The following RYR2 variants were observed in gnomAD, a reference collection of about 807,000 sequenced individuals.
RYR2 encodes ryanodine receptor 2.
A neutral mutation model predicts 601.1 loss-of-function variants in RYR2; 227 were observed. The ratio of observed to expected loss-of-function variants is 0.38; its 90% CI spans 0.34 to 0.42. The LOEUF (loss-of-function observed/expected upper bound fraction) is 0.42. Among genes scored for constraint, RYR2 ranks in the 10% least tolerant of loss-of-function variants. RYR2 has a pLI of 1.00. For missense variants in RYR2, 4,646 were observed against 6,156.5 expected, an observed-to-expected ratio of 0.75 and a Z score of 8.21; for synonymous variants, 2,223 against 2,175.1, an observed-to-expected ratio of 1.02 and a Z score of -0.61.
chr1:237,183,489 ATAG>A (rs2148963322), intron 1 of RYR2, among the ~76,000 whole-genome samples: 1 of 152,310 alleles, frequency 6.6e-6, no homozygotes, highest in African/African-American at 2.4e-5. Flanking sequence ...TGACCTTTTG[ATAG>A]TAGCTTAGGA....
chr1:237,220,669 A>G (rs1317429264), intron 1 of RYR2, among the ~76,000 whole-genome samples: 3 of 152,186 alleles, frequency 2.0e-5, no homozygotes, highest in Non-Finnish European at 2.9e-5. Context: ...GATCCTCACA[A>G]AACCTTTTCA....
intron 1 of RYR2, among the ~76,000 whole-genome samples, chr1:237,147,679 A>G (rs921660195): frequency 2.6e-5 from 4 of 152,212 alleles, no homozygotes; most frequent in African/African-American, 9.7e-5. Flanking sequence ...TAGAAGAGCC[A>G]TTTCTTAACA....
Position 237,602,053 on chromosome 1 carries a change from C to T in RYR2, c.4625C>T (p.Ala1542Val), listed in dbSNP as rs1231744468. 5.6e-6 allele frequency: 9 copies of T among 1,612,484 alleles called. No homozygotes were observed. Among genetic ancestry groups the T allele is most frequent in the Non-Finnish European group, 7.6e-6 (9 of 1,179,148 alleles). The change falls in exon 35 of 105, where the codon GCG (alanine) becomes GTG (valine). Residue 1542 changes from alanine (A) to valine (V), a missense_variant. Physicochemically the swap from Ala to Val is moderately conservative, Grantham distance 64. Transcript: ENST00000366574. ...QVEPSTKLFPAVFAQATSPNV... is the reference protein window; with the variant it reads ...QVEPSTKLFPVVFAQATSPNV... ...GAACCGAGTACAAAATTATTTCCTG[C>T]GGTTTTTGCACAAGCTACAAGTCCC... is the stretch of plus-strand genomic sequence containing the variant.
At position 237,808,895 on chromosome 1, in the gene RYR2, T is replaced by A; in HGVS notation, c.14299-6T>A. 1 of 1,613,512 alleles carries A rather than the reference T, an allele frequency of 6.2e-7. No individual in the cohort carries two copies. Among genetic ancestry groups the A allele is most frequent in the Non-Finnish European group, 8.5e-7 (1 of 1,179,520 alleles). ...AATACCTGGTCCTTGTCACATTGTT[T>A]TCCAGCTCGTATTAACCGTTGGCTT... On this transcript the variant is annotated splice_polypyrimidine_tract_variant and splice_region_variant and intron_variant, in intron 99 of 104. Coordinates refer to ENST00000366574, the MANE Select transcript of RYR2 (RefSeq NM_001035.3).
chr1:237,050,476 GGAA>G (rs1189573973), intron 1 of RYR2, among the ~76,000 whole-genome samples: 3 of 152,194 alleles, frequency 2.0e-5, no homozygotes, highest in Admixed American at 6.5e-5. Flanking sequence ...TCACCATGAA[GGAA>G]GGAACAATTC....
In RYR2 at chr1:237,730,313, CAGA is replaced by C. The variant is rs1690562656; in HGVS notation, c.10897_10899del (p.Glu3633del). 1 of 1,606,908 alleles carries C rather than the reference CAGA, an allele frequency of 6.2e-7. No individual in the cohort carries two copies. Among genetic ancestry groups the C allele is most frequent in the Non-Finnish European group, 8.5e-7 (1 of 1,173,750 alleles). The stretch of plus-strand genomic sequence containing the variant: ...GGATATGAAAAGTCTTGGATTGAAA[CAGA>C]AGAACATTACTTTGAAGATAAACTG... On this transcript the variant is annotated inframe_deletion, in exon 77 of 105. Transcript: ENST00000366574.
chr1:237,461,131 G>C (rs1343118974), intron 16 of RYR2, among the ~76,000 whole-genome samples: 2 of 152,126 alleles, frequency 1.3e-5, no homozygotes, highest in East Asian at 3.8e-4. Flanking sequence ...TTCCTCATCG[G>C]AAAATGGCAG....
chr1:237,503,332 C>T lies in RYR2; in HGVS notation c.2440C>T (p.Leu814Phe). Residue 814 changes from leucine (L) to phenylalanine (F), a missense_variant, in exon 22 of 105, where the codon CTT (leucine) becomes TTT (phenylalanine). This residue lies in a region of RYR2 where 1,807 missense variants were observed against 2,088.1 expected (regional missense o/e 0.87). Coordinates refer to ENST00000366574, the MANE Select transcript of RYR2 (RefSeq NM_001035.3). ...LGGRHGEFKF[L>F]PPPGYAPCYE... ...AGGGCGACATGGAGAATTCAAATTT[C>T]TTCCTCCACCTGGGTATGCTCCTTG... The T allele has an allele frequency of 6.2e-7, 1 of 1,613,616 alleles. No homozygotes were observed. Among genetic ancestry groups the T allele is most frequent in the Non-Finnish European group, 8.5e-7 (1 of 1,179,718 alleles).
chr1:237,117,676 T>C (rs1021174251), intron 1 of RYR2, among the ~76,000 whole-genome samples: 1 of 30,074 alleles, frequency 3.3e-5, no homozygotes, highest in Non-Finnish European at 6.4e-5. Flanking sequence ...CTCTTCCTTC[T>C]CTTCTCTTCT....
At chr1:237,472,059 G>C (rs1283835513) in intron 17 of RYR2, among the ~76,000 whole-genome samples, 2 of 152,080 alleles carry the variant, frequency 1.3e-5, no homozygotes, top group East Asian at 3.9e-4. Context: ...AATATATTTT[G>C]CTGAACAATT....
intron 29 of RYR2, among the ~76,000 whole-genome samples, chr1:237,573,621 G>A (rs865809409): frequency 6.7e-6 from 1 of 150,050 alleles, no homozygotes; most frequent in Non-Finnish European, 1.5e-5. Context: ...GACCATCCTG[G>A]CTAACACGGT....
intron 95 of RYR2, among the ~76,000 whole-genome samples, chr1:237,794,327 C>G (rs139060852): frequency 2.6e-5 from 4 of 151,390 alleles, no homozygotes; most frequent in East Asian, 1.9e-4. Flanking sequence ...CATCCAAAAG[C>G]AGAGGCAAAA....
At chr1:237,222,143 G>A (rs891670199) in intron 1 of RYR2, among the ~76,000 whole-genome samples, 2 of 151,946 alleles carry the variant, frequency 1.3e-5, no homozygotes, top group African/African-American at 2.4e-5. Context: ...GGCCAGGCGC[G>A]GTGGCTCACA....
chr1:237,220,574 C>A (rs1683698550), intron 1 of RYR2, among the ~76,000 whole-genome samples: 1 of 152,298 alleles, frequency 6.6e-6, no homozygotes, highest in Middle Eastern at 3.4e-3. Context: ...TCCATATATA[C>A]CGTATAGTTT....
At chr1:237,665,836 T>C (rs1684278467) in intron 56 of RYR2, among the ~76,000 whole-genome samples, 1 of 152,210 alleles carries the variant, frequency 6.6e-6, no homozygotes, top group Admixed American at 6.5e-5. Flanking sequence ...TACATAATTA[T>C]GGAAAATATC....
intron 2 of RYR2, among the ~76,000 whole-genome samples, chr1:237,274,421 T>A (rs1251085800): frequency 1.3e-5 from 2 of 151,596 alleles, no homozygotes; most frequent in Admixed American, 6.6e-5. Flanking sequence ...TAAAAAAAAA[T>A]TAAAAAATAG....
chr1:237,274,570 G>T lies in RYR2; in HGVS notation c.168+3954G>T, dbSNP rs148092753. Among the ~76,000 whole-genome samples, 26 of 152,188 alleles carry T rather than the reference G, an allele frequency of 1.7e-4. No homozygotes were observed. In the East Asian group the frequency reaches 5.0e-3, roughly 29 times the overall value. On this transcript the variant is annotated intron_variant, in intron 2 of 104. Transcript: ENST00000366574. ...AAGTAAAAAGTTACAATAAGCTAAG[G>T]TTAATTTATCATTGAACAAAGAAAA...
chr1:237,106,005 C>T lies in RYR2; in HGVS notation c.48+63436C>T, dbSNP rs1340010939. Among the ~76,000 whole-genome samples the T allele has an allele frequency of 6.6e-6, 1 of 151,992 alleles. No homozygotes were observed. Among genetic ancestry groups the T allele is most frequent in the Non-Finnish European group, 1.5e-5 (1 of 68,000 alleles). On this transcript the variant is annotated intron_variant, in intron 1 of 104. Coordinates refer to ENST00000366574, the MANE Select transcript of RYR2 (RefSeq NM_001035.3). The surrounding 1 kb of genome is among the most constrained non-coding windows in gnomAD (Gnocchi z 4.4). The stretch of plus-strand genomic sequence containing the variant: ...ACCAACGTGGGAGTGTGCCTGGAGA[C>T]TCTAAGGAACAGAGTGTGCAGCAGG...
Position 237,312,533 on chromosome 1 carries a change from A to G in RYR2, c.169-18345A>G, listed in dbSNP as rs142380574. ...CGAAGATGACATTTTTAACAATGAA[A>G]AACTACCTGCTTTCTGGTAACCTTA... On this transcript the variant is annotated intron_variant, in intron 2 of 104. Transcript: ENST00000366574. Among the ~76,000 whole-genome samples, 256 of 152,320 alleles carry G rather than the reference A, an allele frequency of 1.7e-3. 1 individual carries two copies. The highest frequency in any genetic ancestry group is 5.9e-3 in the African/African-American group (245 of 41,558).
Sources: allele counts gnomAD v4.1 joint callset (sites outside exome capture counted in the v4.1 genomes callset), GRCh38; gene constraint gnomAD v4.1.1; regional missense constraint gnomAD v4.1.1; non-coding constraint Gnocchi (gnomAD v3.1); transcripts MANE v1.5; gene names NCBI Gene and HGNC (gene_info 2026-07-23, HGNC 2026-07-21).